USP7: variants seen among roughly 807,000 people sequenced by gnomAD.
USP7 encodes the protein ubiquitin specific peptidase 7.
A neutral mutation model predicts 162.9 loss-of-function variants in USP7; 9 were observed. The ratio of observed to expected loss-of-function variants is 0.06; its 90% CI spans 0.03 to 0.10. The LOEUF (loss-of-function observed/expected upper bound fraction) is 0.10. Among genes scored for constraint, USP7 ranks in the 10% least tolerant of loss-of-function variants. The pLI, the probability that USP7 is intolerant of heterozygous loss-of-function variation, is 1.00. For synonymous variants in USP7, 562 were observed against 475.9 expected, an observed-to-expected ratio of 1.18 and a Z score of -2.35; for missense variants, 715 against 1,373.7, an observed-to-expected ratio of 0.52 and a Z score of 7.58.
At chr16:8,943,421 G>A (rs775046325) in intron 1 of USP7, among the ~76,000 whole-genome samples, 15 of 152,014 alleles carry the variant, frequency 9.9e-5, no homozygotes, top group Non-Finnish European at 2.2e-4. Flanking sequence ...CAGCACGCAC[G>A]GCCGGAACCG....
In USP7 at chr16:8,954,278, G is replaced by C. The variant is rs552973706; in HGVS notation, c.79+8929C>G. 6.6e-5 allele frequency among the ~76,000 whole-genome samples: 10 copies of C among 152,224 alleles called. No homozygotes were observed. In the South Asian group the frequency reaches 1.7e-3, roughly 25 times the overall value. ...CGGTGCCACTGGAAGCAGAGGCTTTGAACAGGTGCCCCTGGGAACCTAAAG... is the reference window on the plus strand; with the variant it reads ...CGGTGCCACTGGAAGCAGAGGCTTTCAACAGGTGCCCCTGGGAACCTAAAG... On this transcript the variant is annotated intron_variant, in intron 1 of 30. Coordinates refer to ENST00000344836, the MANE Select transcript of USP7 (RefSeq NM_003470.3).
Position 8,895,760 on chromosome 16 carries a change from A to G in USP7, c.2820-19T>C. The G allele has an allele frequency of 6.6e-7, 1 of 1,517,356 alleles. No individual in the cohort carries two copies. The highest frequency in any genetic ancestry group is 9.0e-7 in the Non-Finnish European group (1 of 1,105,410). 94.0% of individuals were successfully genotyped at this position (1,517,356 alleles called of 1,614,324 possible). On this transcript the variant is annotated intron_variant, in intron 26 of 30. Coordinates refer to ENST00000344836, the MANE Select transcript of USP7 (RefSeq NM_003470.3). ...TAGCAGCCTGAACAGAGAGGAAAAA[A>G]AAATAGGGCAAAATGAAGTATATAT...
Position 8,928,307 on chromosome 16 carries a change from G to A in USP7, c.184+1986C>T, listed in dbSNP as rs116834314. Among the ~76,000 whole-genome samples, 728 of 152,186 alleles carry A rather than the reference G, an allele frequency of 4.8e-3. 10 individuals are homozygous for A. The highest frequency in any genetic ancestry group is 0.017 in the African/African-American group (700 of 41,510). On this transcript the variant is annotated intron_variant, in intron 2 of 30. Transcript: ENST00000344836. Reference sequence around the variant, plus strand: ...CAGATTGTGTGCCCTAGTCTGAAATGGACACTCAACACTCAAGGACACAGG... The same window carrying A: ...CAGATTGTGTGCCCTAGTCTGAAATAGACACTCAACACTCAAGGACACAGG...
intron 12 of USP7, among the ~76,000 whole-genome samples, chr16:8,907,594 G>A (rs2061880630): frequency 6.6e-6 from 1 of 152,146 alleles, no homozygotes; most frequent in South Asian, 2.1e-4. Flanking sequence ...GGTGGTTCAC[G>A]CCAGTAATCC....
intron 26 of USP7, among the ~76,000 whole-genome samples, chr16:8,896,771 G>C (rs1441292647): frequency 6.6e-6 from 1 of 152,158 alleles, no homozygotes; most frequent in Non-Finnish European, 1.5e-5. Context: ...ATAACCCTCT[G>C]CACCACAGCG....
At position 8,892,675 on chromosome 16, in the gene USP7, T is replaced by C. The variant is rs2061617136; in HGVS notation, c.*1323A>G. ...CGCAAAACGGAATTAGAAGGAAAAG[T>C]ACATCTCAGTGAAACCTTGTTACAA... On this transcript the variant is annotated 3_prime_UTR_variant, in exon 31 of 31. Transcript: ENST00000344836. The C allele has an allele frequency of 6.7e-6, 1 of 148,544 alleles. No individual in the cohort carries two copies. The highest frequency in any genetic ancestry group is 1.5e-5 in the Non-Finnish European group (1 of 67,398). The allele number at this position is 148,544 out of a possible 1,614,324, so 9.2% of individuals were successfully genotyped here. A position where few individuals can be genotyped will look rare whatever the true frequency, so the allele number is the denominator to read the frequency against.
At position 8,893,951 on chromosome 16, in the gene USP7, G is replaced by C. The variant is rs775343031; in HGVS notation, c.*47C>G. ...GTGCACCAAAGTTCTAGGCTGTTAAGGGGCCACCCACACACCGTCCTCGCC... is the reference window on the plus strand; with the variant it reads ...GTGCACCAAAGTTCTAGGCTGTTAACGGGCCACCCACACACCGTCCTCGCC... On this transcript the variant is annotated 3_prime_UTR_variant, in exon 31 of 31. Transcript: ENST00000344836. 6.4e-6 allele frequency: 10 copies of C among 1,572,822 alleles called. No individual in the cohort carries two copies. Among genetic ancestry groups the C allele is most frequent in the Non-Finnish European group, 7.9e-6 (9 of 1,142,426 alleles).
chr16:8,926,521 A>C (rs567249614), intron 2 of USP7, among the ~76,000 whole-genome samples: 9 of 152,272 alleles, frequency 5.9e-5, no homozygotes, highest in Admixed American at 5.9e-4. Context: ...AAAAAGGAGA[A>C]GTGGACTTGG....
In USP7 at chr16:8,919,152, T is replaced by A. The variant is rs765458565; in HGVS notation, c.612-13A>T. ...CTTTGAATCCCACCTGAAAGATCAG[T>A]TCAAGGTTGAGGGGATCTTGCAGAT... is the stretch of plus-strand genomic sequence containing the variant. On this transcript the variant is annotated splice_polypyrimidine_tract_variant and intron_variant, in intron 5 of 30. Coordinates refer to ENST00000344836, the MANE Select transcript of USP7 (RefSeq NM_003470.3). 6.2e-7 allele frequency: 1 copy of A among 1,613,482 alleles called. No individual in the cohort carries two copies. Among genetic ancestry groups the A allele is most frequent in the African/African-American group, 1.3e-5 (1 of 74,856 alleles).
chr16:8,922,730 A>G (rs183774094), intron 3 of USP7, among the ~76,000 whole-genome samples: 1 of 152,372 alleles, frequency 6.6e-6, no homozygotes, highest in East Asian at 1.9e-4. Flanking sequence ...TAGAAGGACC[A>G]TCAAGATTTC....
chr16:8,929,038 T>G (rs113056477), intron 2 of USP7, among the ~76,000 whole-genome samples: 4 of 133,210 alleles, frequency 3.0e-5, no homozygotes, highest in Non-Finnish European at 6.2e-5. Flanking sequence ...TCCCAAGACC[T>G]CCCCCCTAAA....
intron 11 of USP7, 116 bp from the exon 12 acceptor site, chr16:8,908,566 CA>C (rs2061895241): frequency 1.2e-6 from 1 of 848,412 alleles, no homozygotes; most frequent in African/African-American, 1.7e-5. Flanking sequence ...GAGACAAAGG[CA>C]GGGAAGTTTA....
At chr16:8,946,099 T>G (rs1462883530) in intron 1 of USP7, among the ~76,000 whole-genome samples, 7 of 152,042 alleles carry the variant, frequency 4.6e-5, no homozygotes, top group Non-Finnish European at 1.5e-5. Flanking sequence ...ATGGAACAAA[T>G]GGACTCTACA....
chr16:8,919,164 G>A, intron 5 of USP7, 25 bp from the exon 6 acceptor site: 1 of 1,611,494 alleles, frequency 6.2e-7, no homozygotes, highest in Admixed American at 1.7e-5. Flanking sequence ...CAAGGTTGAG[G>A]GGATCTTGCA....
At chr16:8,896,564 A>G (rs1349698982) in intron 26 of USP7, among the ~76,000 whole-genome samples, 2 of 152,216 alleles carry the variant, frequency 1.3e-5, no homozygotes, top group Non-Finnish European at 2.9e-5. Context: ...AATGTTGGCT[A>G]GATGGAACAG....
rs548171268 is a variant in USP7 at position 8,919,196 on chromosome 16, T to C, written c.612-57A>G. ...TGCAGATACCCCATTGCTCCTGCAG[T>C]GTGTGTGAAGCAATCTGACTCAAGG... On this transcript the variant is annotated intron_variant, in intron 5 of 30. Coordinates refer to ENST00000344836, the MANE Select transcript of USP7 (RefSeq NM_003470.3). The C allele has an allele frequency of 8.3e-6, 13 of 1,560,644 alleles. No homozygotes were observed. The African/African-American group carries it at 1.1e-4, about 13-fold the overall frequency.
At chr16:8,919,532 G>A (rs1269789001) in intron 5 of USP7, among the ~76,000 whole-genome samples, 1 of 151,986 alleles carries the variant, frequency 6.6e-6, no homozygotes, top group Admixed American at 6.6e-5. Flanking sequence ...CTTTTCTGTA[G>A]ACACACACAC....
chr16:8,910,231 C>T (rs1236759742), intron 11 of USP7, among the ~76,000 whole-genome samples: 1 of 152,156 alleles, frequency 6.6e-6, no homozygotes. Context: ...TCCCTTCATC[C>T]AAGCGGGGGC....
chr16:8,895,529 A>G (rs1055883652), intron 27 of USP7, 113 bp downstream of exon 27: 1 of 920,004 alleles, frequency 1.1e-6, no homozygotes, highest in Non-Finnish European at 1.7e-6. Context: ...TACCTCGATT[A>G]CTGGTATAAA....
Sources: allele counts gnomAD v4.1 joint callset (sites outside exome capture counted in the v4.1 genomes callset), GRCh38; gene constraint gnomAD v4.1.1; transcripts MANE v1.5; gene names NCBI Gene and HGNC (gene_info 2026-07-23, HGNC 2026-07-21).